Variants in ZNF536 observed in about 807,000 individuals in gnomAD.
ZNF536 encodes the protein zinc finger protein 536.
ZNF536 carries 13 observed loss-of-function variants against 84.5 expected under a neutral mutation model. The ratio of observed to expected loss-of-function variants is 0.15; its 90% CI spans 0.10 to 0.24. ZNF536 has a LOEUF of 0.24. Among genes scored for constraint, ZNF536 ranks in the 10% least tolerant of loss-of-function variants. The pLI is 1.00. For synonymous variants in ZNF536, 811 were observed against 742.5 expected (o/e 1.09, Z -1.50); for missense variants, 1,536 against 1,747.5 (o/e 0.88, Z 2.16).
At chr19:30,701,634 A>C (rs1253425483) in intron 1 of ZNF536, among the ~76,000 whole-genome samples, 3 of 152,236 alleles carry the variant, frequency 2.0e-5, no homozygotes, top group African/African-American at 7.2e-5. Context: ...TTGACTCCTA[A>C]CCAGAGGCCC....
intron 1 of ZNF536, among the ~76,000 whole-genome samples, chr19:30,651,177 G>C (rs983796595): frequency 2.0e-5 from 3 of 152,096 alleles, no homozygotes; most frequent in Admixed American, 6.5e-5. Flanking sequence ...GGTCCTGGAG[G>C]GCGGGCGCCC....
At chr19:30,319,153 G>A (rs1370886021) in intron 2 of ZNF536, among the ~76,000 whole-genome samples, 2 of 152,200 alleles carry the variant, frequency 1.3e-5, no homozygotes, top group African/African-American at 4.8e-5. Context: ...AGTGTATTCT[G>A]GGAGTTACAG....
intron 1 of ZNF536, among the ~76,000 whole-genome samples, chr19:30,245,625 C>T (rs1012979435): frequency 5.9e-5 from 9 of 152,210 alleles, no homozygotes; most frequent in African/African-American, 2.2e-4. Flanking sequence ...CAGCCCACCA[C>T]GAGGTCGCCG....
intron 2 of ZNF536, among the ~76,000 whole-genome samples, chr19:30,460,715 G>A (rs2053093981): frequency 6.6e-6 from 1 of 152,144 alleles, no homozygotes; most frequent in Non-Finnish European, 1.5e-5. Flanking sequence ...GTGGAGAAAG[G>A]GGTGGCACCC....
At position 30,679,282 on chromosome 19, in the gene ZNF536, G is replaced by A. The variant is rs146264002; in HGVS notation, c.170-31475G>A. Among the ~76,000 whole-genome samples, 6 of 152,342 alleles carry A rather than the reference G, an allele frequency of 3.9e-5. No individual in the cohort carries two copies. The East Asian group carries it at 1.2e-3, about 29-fold the overall frequency. On this transcript the variant is annotated intron_variant, in intron 1 of 1. Transcript: ENST00000592773. ...GCTTTCCCTTAACCACCGCTTCACA[G>A]CTATCTGGGATCAGAGAGCAATTTT...
intron 3 of ZNF536, among the ~76,000 whole-genome samples, chr19:30,547,412 C>A (rs2045598167): frequency 6.6e-6 from 1 of 152,172 alleles, no homozygotes; most frequent in Non-Finnish European, 1.5e-5. Context: ...ATTACTTGTG[C>A]AGTATGCCAT....
intron 1 of ZNF536, among the ~76,000 whole-genome samples, chr19:30,603,392 G>T (rs2047761153): frequency 6.6e-6 from 1 of 152,198 alleles, no homozygotes; most frequent in East Asian, 1.9e-4. Context: ...CCAAGCCATA[G>T]ATCCGATGGA....
chr19:30,418,497 C>G (rs1298325858), intron 1 of ZNF536, among the ~76,000 whole-genome samples: 1 of 152,036 alleles, frequency 6.6e-6, no homozygotes, highest in East Asian at 1.9e-4. Flanking sequence ...TGTAAAATTT[C>G]AAATATCTGA....
intron 2 of ZNF536, among the ~76,000 whole-genome samples, chr19:30,298,345 C>T (rs1398037937): frequency 1.3e-5 from 2 of 152,188 alleles, no homozygotes; most frequent in Non-Finnish European, 2.9e-5. Flanking sequence ...CCAGGATGTC[C>T]CCCTGTGGCT....
chr19:30,413,639 G>A (rs935727051), intron 1 of ZNF536, among the ~76,000 whole-genome samples: 1 of 152,096 alleles, frequency 6.6e-6, no homozygotes, highest in Non-Finnish European at 1.5e-5. Flanking sequence ...TCTGAGGAAG[G>A]CATGATAACC....
intron 1 of ZNF536, among the ~76,000 whole-genome samples, chr19:30,262,647 A>G (rs535929998): frequency 6.6e-6 from 1 of 152,140 alleles, no homozygotes; most frequent in Admixed American, 6.5e-5. Context: ...ATGCTATGGC[A>G]TCCTTGGGTG....
At chr19:30,438,734 T>TGGTACGGATCATAGCTCACTGCAGC (rs1388922888) in intron 1 of ZNF536, among the ~76,000 whole-genome samples, 12 of 152,202 alleles carry the variant, frequency 7.9e-5, no homozygotes, top group Non-Finnish European at 2.9e-5. Context: ...TGAAGTGCAG[T>TGGTACGGATCATAGCTCACTGCAGC]GGTACGGATC....
At chr19:30,686,593 C>G (rs375370484) in intron 1 of ZNF536, among the ~76,000 whole-genome samples, 66 of 152,350 alleles carry the variant, frequency 4.3e-4, no homozygotes, top group African/African-American at 1.6e-3. Context: ...TTCGTCCTCC[C>G]TCTTAGTCCC....
intron 1 of ZNF536, among the ~76,000 whole-genome samples, chr19:30,694,862 C>T (rs1370879160): frequency 6.6e-6 from 1 of 152,072 alleles, no homozygotes; most frequent in Non-Finnish European, 1.5e-5. Flanking sequence ...CATCCCAGTC[C>T]CCCACAGAAA....
downstream of ZNF536, among the ~76,000 whole-genome samples, chr19:30,561,166 C>G (rs1422528676): frequency 2.0e-5 from 3 of 152,164 alleles, no homozygotes; most frequent in African/African-American, 7.2e-5. Context: ...GAAAGGCAAC[C>G]AAGCGGGGAA....
intron 1 of ZNF536, among the ~76,000 whole-genome samples, chr19:30,603,294 AATGGATGG>A (rs758738622): frequency 1.8e-4 from 27 of 152,238 alleles, no homozygotes; most frequent in South Asian, 6.2e-4. Flanking sequence ...GGAAAGAAAG[AATGGATGG>A]ATGGATGGAT....
At chr19:30,453,926 C>T (rs900200992) in intron 2 of ZNF536, among the ~76,000 whole-genome samples, 19 of 152,206 alleles carry the variant, frequency 1.2e-4, no homozygotes, top group Admixed American at 1.3e-4. Flanking sequence ...CTGGGAGAAG[C>T]GAGAGGCACA....
intron 1 of ZNF536, among the ~76,000 whole-genome samples, chr19:30,705,101 C>A (rs1375579467): frequency 6.6e-6 from 1 of 152,140 alleles, no homozygotes; most frequent in Non-Finnish European, 1.5e-5. Context: ...CTGTGCATAG[C>A]AACAGCTTTC....
In ZNF536 at chr19:30,468,386, G is replaced by A. The variant is rs537101561; in HGVS notation, c.2170+22654G>A. On this transcript the variant is annotated intron_variant, in intron 2 of 4. Transcript: ENST00000355537. ...GACCCCAGCTCGAACGCCAAGCTTC[G>A]GTGGGCCTGGTGGGCTGGCCAAGTG... 1.2e-4 allele frequency among the ~76,000 whole-genome samples: 18 copies of A among 152,292 alleles called. No homozygotes were observed. The South Asian group carries it at 1.2e-3, about 11-fold the overall frequency.
Sources: gnomAD v4.1 joint callset for allele counts (sites outside exome capture counted in the v4.1 genomes callset) on GRCh38, gnomAD v4.1.1 for gene constraint, MANE v1.5 for transcripts, NCBI Gene and HGNC (gene_info 2026-07-23, HGNC 2026-07-21) for gene names.